The following STRN variants were observed in gnomAD, a reference collection of about 807,000 sequenced individuals.
STRN encodes the protein striatin, also known as protein phosphatase 2 regulatory subunit B'''alpha.
Under a neutral mutation model 96.3 loss-of-function variants are expected in STRN, and 53 were observed. The ratio of observed to expected loss-of-function variants is 0.55; its 90% CI spans 0.44 to 0.69. STRN has a LOEUF of 0.69. STRN is among the 30% of genes least tolerant of loss of function. STRN has a pLI of 0.00. For synonymous variants in STRN, 428 were observed against 355.9 expected (o/e 1.20, Z -2.28); for missense variants, 987 against 963.9 (o/e 1.02, Z -0.32).
chr2:36,920,742 C>A (rs1247316735), intron 2 of STRN, among the ~76,000 whole-genome samples: 2 of 151,558 alleles, frequency 1.3e-5, no homozygotes, highest in Admixed American at 6.6e-5. Flanking sequence ...TCAGCCAGTT[C>A]CTTATCTCTA....
chr2:36,886,179 G>C (rs1669221681), intron 8 of STRN, among the ~76,000 whole-genome samples: 2 of 152,094 alleles, frequency 1.3e-5, no homozygotes, highest in Admixed American at 1.3e-4. Context: ...TGTTTAAATA[G>C]AAAATAAATA....
chr2:36,933,741 C>A (rs1236797560), intron 1 of STRN, among the ~76,000 whole-genome samples: 2 of 152,082 alleles, frequency 1.3e-5, no homozygotes, highest in Non-Finnish European at 2.9e-5. Context: ...AGGAGCTGGG[C>A]CCACAGGTGT....
intron 12 of STRN, among the ~76,000 whole-genome samples, chr2:36,866,005 T>C (rs1668612571): frequency 6.6e-6 from 1 of 152,224 alleles, no homozygotes; most frequent in Admixed American, 6.5e-5. Context: ...TATTTACCAA[T>C]AAATCATTCA....
intron 1 of STRN, among the ~76,000 whole-genome samples, chr2:36,933,662 T>A (rs1390875732): frequency 6.6e-6 from 1 of 152,102 alleles, no homozygotes; most frequent in Non-Finnish European, 1.5e-5. Context: ...TGGAGTGCAA[T>A]GGCACGATCA....
chr2:36,903,591 A>T (rs960197796), intron 4 of STRN, among the ~76,000 whole-genome samples: 1 of 152,210 alleles, frequency 6.6e-6, no homozygotes, highest in Non-Finnish European at 1.5e-5. Context: ...ATTAACTTAT[A>T]AGTAGGCACC....
chr2:36,909,990 T>C lies in STRN; in HGVS notation c.413-4372A>G, dbSNP rs189213431. Among the ~76,000 whole-genome samples the C allele has an allele frequency of 2.4e-3, 362 of 152,146 alleles. 4 individuals carry two copies. Among genetic ancestry groups the C allele is most frequent in the African/African-American group, 8.5e-3 (352 of 41,508 alleles). On this transcript the variant is annotated intron_variant, in intron 3 of 17. Transcript: ENST00000263918. ...GAGTTCTAGACCAGCCTGGCCAACA[T>C]GGTAAAACCCCATTTCTACTAAAAA...
intron 12 of STRN, among the ~76,000 whole-genome samples, chr2:36,862,217 T>A (rs1406907438): frequency 2.0e-5 from 3 of 152,210 alleles, no homozygotes; most frequent in Non-Finnish European, 4.4e-5. Flanking sequence ...GTGCTATGAT[T>A]AACACACATG....
At chr2:36,908,751 A>T (rs1669887397) in intron 3 of STRN, among the ~76,000 whole-genome samples, 1 of 152,152 alleles carries the variant, frequency 6.6e-6, no homozygotes, top group Non-Finnish European at 1.5e-5. Context: ...TGGTGGGCGG[A>T]TCACTCAAAC....
chr2:36,890,477 CTTTTTTTT>C (rs1163881782), intron 7 of STRN, among the ~76,000 whole-genome samples: 1 of 104,644 alleles, frequency 9.6e-6, no homozygotes, highest in African/African-American at 4.0e-5. Context: ...CACCAGAAAA[CTTTTTTTT>C]TTTTTTTTTT....
rs567871590 is a variant in STRN, at chr2:36,938,168, G to C, written c.235-12960C>G. Among the ~76,000 whole-genome samples, 292 of 152,242 alleles carry C rather than the reference G, an allele frequency of 1.9e-3. 2 individuals are homozygous for C. The highest frequency in any genetic ancestry group is 6.8e-3 in the African/African-American group (283 of 41,556). ...TGGCCAGGCGTGGTGGCTCACACTA[G>C]TAATATCAGCATTTTGGGAGGCCGA... On this transcript the variant is annotated intron_variant, in intron 1 of 17. Transcript: ENST00000263918.
chr2:36,959,609 G>T (rs1399220049), intron 1 of STRN, among the ~76,000 whole-genome samples: 2 of 152,126 alleles, frequency 1.3e-5, no homozygotes, highest in Non-Finnish European at 2.9e-5. Context: ...TCAGTCAGAA[G>T]GAGGTGATTC....
intron 1 of STRN, among the ~76,000 whole-genome samples, chr2:36,938,912 T>C (rs1670772545): frequency 6.6e-6 from 1 of 152,210 alleles, no homozygotes; most frequent in African/African-American, 2.4e-5. Context: ...CAATGCTTTG[T>C]TTTTCTAAAC....
intron 15 of STRN, among the ~76,000 whole-genome samples, chr2:36,853,642 G>T (rs766990863): frequency 1.3e-5 from 2 of 152,196 alleles, no homozygotes; most frequent in Non-Finnish European, 2.9e-5. Flanking sequence ...TCAATGAGAA[G>T]AAGGGTAATT....
At chr2:36,934,507 T>A (rs563919052) in intron 1 of STRN, among the ~76,000 whole-genome samples, 1 of 152,224 alleles carries the variant, frequency 6.6e-6, no homozygotes, top group South Asian at 2.1e-4. Context: ...TATGATTTTG[T>A]TTATGGTTAG....
At chr2:36,931,018 G>C (rs1199754823) in intron 1 of STRN, among the ~76,000 whole-genome samples, 2 of 150,694 alleles carry the variant, frequency 1.3e-5, no homozygotes, top group Non-Finnish European at 2.9e-5. Flanking sequence ...GAATGACAGA[G>C]CAAAATTGCC....
chr2:36,862,936 C>T (rs1274236411), intron 12 of STRN, among the ~76,000 whole-genome samples: 1 of 152,028 alleles, frequency 6.6e-6, no homozygotes, highest in Non-Finnish European at 1.5e-5. Flanking sequence ...GCGGTTTCAC[C>T]GTGGTCTTGA....
At chr2:36,909,760 C>T (rs1009589786) in intron 3 of STRN, among the ~76,000 whole-genome samples, 1 of 152,010 alleles carries the variant, frequency 6.6e-6, no homozygotes, top group African/African-American at 2.4e-5. Context: ...TCATTTAGAA[C>T]CAATGATAAA....
chr2:36,886,668 G>T, intron 8 of STRN, 48 bp downstream of exon 8: 2 of 1,434,030 alleles, frequency 1.4e-6, no homozygotes, highest in East Asian at 2.4e-5. Context: ...ACTGGGGGAT[G>T]TAAAGAGGCA....
chr2:36,894,895 C>T (rs1669498444), intron 6 of STRN, among the ~76,000 whole-genome samples: 1 of 152,128 alleles, frequency 6.6e-6, no homozygotes, highest in Admixed American at 6.6e-5. Flanking sequence ...TCATCAATCA[C>T]AGCATTCTTC....
Sources: gnomAD v4.1 joint callset for allele counts (sites outside exome capture counted in the v4.1 genomes callset) on GRCh38, gnomAD v4.1.1 for gene constraint, MANE v1.5 for transcripts, NCBI Gene and HGNC (gene_info 2026-07-23, HGNC 2026-07-21) for gene names.